The following EZH1 variants were observed in gnomAD, a reference collection of about 807,000 sequenced individuals.
EZH1 encodes the protein histone-lysine N-methyltransferase EZH1.
Under a neutral mutation model 100.5 loss-of-function variants are expected in EZH1, and 33 were observed. The ratio of observed to expected loss-of-function variants is 0.33; its 90% CI spans 0.25 to 0.44. The LOEUF is 0.44. Ranked by LOEUF, EZH1 falls within the 20% of genes least tolerant of loss-of-function variation. The pLI, the probability that EZH1 is intolerant of heterozygous loss-of-function variation, is 1.00. For missense variants in EZH1, 475 were observed against 928.4 expected, an observed-to-expected ratio of 0.51 and a Z score of 6.35; for synonymous variants, 272 against 313.8, an observed-to-expected ratio of 0.87 and a Z score of 1.41.
intron 19 of EZH1, 72 bp from the exon 20 acceptor site, chr17:42,703,033 G>A: frequency 6.9e-7 from 1 of 1,439,622 alleles, no homozygotes; most frequent in South Asian, 1.2e-5. Flanking sequence ...CTTCTGGGTT[G>A]ATTTTCTCCA....
intron 18 of EZH1, among the ~76,000 whole-genome samples, 161 bp downstream of exon 18, chr17:42,704,441 T>G (rs2053308435): frequency 6.6e-6 from 1 of 151,752 alleles, no homozygotes; most frequent in South Asian, 2.1e-4. Flanking sequence ...CTCGGGAGGC[T>G]GAGGCAGGAG....
chr17:42,727,492 C>T (rs1181785111), intron 4 of EZH1, 143 bp downstream of exon 4: 2 of 1,001,808 alleles, frequency 2.0e-6, no homozygotes, highest in Non-Finnish European at 2.8e-6. Flanking sequence ...ATTTTCCCAC[C>T]TCAGCCTCCC....
intron 15 of EZH1, among the ~76,000 whole-genome samples, 190 bp downstream of exon 15, chr17:42,707,768 T>C (rs143206167): frequency 6.6e-6 from 1 of 152,290 alleles, no homozygotes; most frequent in East Asian, 1.9e-4. Context: ...TTTAGAATCA[T>C]GAACCTAAAC....
chr17:42,736,988 ATTTT>A (rs1178668278), intron 1 of EZH1, among the ~76,000 whole-genome samples: 1 of 144,088 alleles, frequency 6.9e-6, no homozygotes, highest in Non-Finnish European at 1.5e-5. Flanking sequence ...TAGCTTTACA[ATTTT>A]TTTTTTTTTT....
chr17:42,730,818 C>G lies in EZH1; in HGVS notation c.-12+10G>C, dbSNP rs551466338. On this transcript the variant is annotated intron_variant, in intron 2 of 20. Coordinates refer to ENST00000428826, the MANE Select transcript of EZH1 (RefSeq NM_001991.5). ...GCCAAGAAGTATGTATTCTAATATA[C>G]TTTACCTACCTTATAGAATGCAAGG... 4 of 983,578 alleles carry G rather than the reference C, an allele frequency of 4.1e-6. No homozygotes were observed. Among genetic ancestry groups the G allele is most frequent in the African/African-American group, 1.7e-5 (1 of 57,176 alleles). 60.9% of individuals were successfully genotyped at this position (983,578 alleles called of 1,614,324 possible). A position where few individuals can be genotyped will look rare whatever the true frequency, so the allele number is the denominator to read the frequency against.
At chr17:42,730,168 C>T (rs1456687066) in intron 2 of EZH1, among the ~76,000 whole-genome samples, 3 of 152,156 alleles carry the variant, frequency 2.0e-5, no homozygotes, top group Non-Finnish European at 4.4e-5. Flanking sequence ...TTTAATTTAG[C>T]ACTCAAGAAG....
rs1324266060 is a variant in EZH1, at chr17:42,706,542, T to A, written c.1661-357A>T. Among the ~76,000 whole-genome samples the A allele has an allele frequency of 1.3e-5, 2 of 150,248 alleles. No individual in the cohort carries two copies. Among genetic ancestry groups the A allele is most frequent in the Non-Finnish European group, 3.0e-5 (2 of 67,498 alleles). The stretch of plus-strand genomic sequence containing the variant: ...TCCACAAAAAAATTAAAAAAAAAAA[T>A]AGCCATGTGTGGTGACACCTGCCTG... On this transcript the variant is annotated intron_variant, in intron 15 of 20. Transcript: ENST00000428826. This position sits in a 1 kb window ranked among gnomAD's most constrained non-coding sequence, Gnocchi z 4.4.
chr17:42,739,574 A>T lies in EZH1; in HGVS notation c.-103+5437T>A, dbSNP rs534518745. ...GAAACCCCGTCTCTACTAAAAATAC[A>T]AAATTAGCCGGGCATGGTGGTGGAT... On this transcript the variant is annotated intron_variant, in intron 1 of 20. Transcript: ENST00000428826. Among the ~76,000 whole-genome samples, 4 of 152,044 alleles carry T rather than the reference A, an allele frequency of 2.6e-5. No individual in the cohort carries two copies. The South Asian group carries it at 8.3e-4, about 32-fold the overall frequency.
chr17:42,712,876 A>G (rs755405600), intron 11 of EZH1, among the ~76,000 whole-genome samples: 4 of 152,086 alleles, frequency 2.6e-5, no homozygotes, highest in Non-Finnish European at 5.9e-5. Flanking sequence ...CGTCTCTACT[A>G]AAAATATAAA....
intron 3 of EZH1, among the ~76,000 whole-genome samples, chr17:42,728,433 A>C (rs2053868106): frequency 6.6e-6 from 1 of 150,474 alleles, no homozygotes; most frequent in African/African-American, 2.4e-5. Context: ...TTTCAAAACA[A>C]AAGTTAAAAA....
chr17:42,742,180 G>A (rs1200733032), intron 1 of EZH1, among the ~76,000 whole-genome samples: 1 of 131,500 alleles, frequency 7.6e-6, no homozygotes. Context: ...TCACTCTTTC[G>A]TGCCCAGGCT....
At chr17:42,709,619 G>C in intron 13 of EZH1, 1 of 451,642 alleles carries the variant, frequency 2.2e-6, no homozygotes, top group African/African-American at 2.0e-5. Flanking sequence ...TAGAAAAACA[G>C]ACAGTTATGG....
At chr17:42,721,598 C>T (rs1014641564) in intron 6 of EZH1, among the ~76,000 whole-genome samples, 5 of 151,948 alleles carry the variant, frequency 3.3e-5, no homozygotes, top group Non-Finnish European at 7.4e-5. Flanking sequence ...TATGTCCCAA[C>T]TCCTTTTAAA....
rs2053777131 is a variant in EZH1, at chr17:42,724,426, T to C, written c.247-2A>G. The C allele has an allele frequency of 6.2e-7, 1 of 1,613,392 alleles. No individual in the cohort carries two copies. The highest frequency in any genetic ancestry group is 8.5e-7 in the Non-Finnish European group (1 of 1,179,610). ...CGGGAAAATGCTCTCTATGGTACAC[T>C]GAAATATAAGCAATGACATGGAGAG... On this transcript the variant is annotated splice_acceptor_variant, in intron 4 of 20. Coordinates refer to ENST00000428826, the MANE Select transcript of EZH1 (RefSeq NM_001991.5). LOFTEE classifies it high-confidence loss of function.
intron 1 of EZH1, among the ~76,000 whole-genome samples, chr17:42,731,429 T>C (rs2053946283): frequency 1.3e-5 from 2 of 152,268 alleles, no homozygotes; most frequent in Admixed American, 6.5e-5. Flanking sequence ...ATAATGCTTT[T>C]CTGAACCAAT....
chr17:42,729,408 AAAAAC>A (rs1350573080), intron 2 of EZH1, among the ~76,000 whole-genome samples: 4 of 152,120 alleles, frequency 2.6e-5, no homozygotes, highest in Non-Finnish European at 4.4e-5. Flanking sequence ...CCTTGTCTCA[AAAAAC>A]AAAACAAAAC....
intron 1 of EZH1, among the ~76,000 whole-genome samples, chr17:42,737,270 G>A (rs1368359525): frequency 4.6e-5 from 7 of 152,212 alleles, no homozygotes; most frequent in Non-Finnish European, 1.0e-4. Context: ...ACAGGCGTGA[G>A]CCACCGCGCC....
intron 1 of EZH1, among the ~76,000 whole-genome samples, chr17:42,739,930 C>G (rs959305815): frequency 4.0e-5 from 6 of 151,666 alleles, no homozygotes; most frequent in Non-Finnish European, 7.4e-5. Context: ...ATCACAGGTG[C>G]CCACCACCAT....
intron 1 of EZH1, among the ~76,000 whole-genome samples, chr17:42,742,543 T>C (rs182273674): frequency 4.6e-5 from 7 of 152,330 alleles, no homozygotes; most frequent in Admixed American, 4.6e-4. Context: ...AGTTCCACGA[T>C]TAGCATACAA....
Sources: allele counts gnomAD v4.1 joint callset (sites outside exome capture counted in the v4.1 genomes callset), GRCh38; gene constraint gnomAD v4.1.1; non-coding constraint Gnocchi (gnomAD v3.1); transcripts MANE v1.5; gene names NCBI Gene and HGNC (gene_info 2026-07-23, HGNC 2026-07-21).